Variants in TECPR2 observed in about 807,000 individuals in gnomAD.
TECPR2 encodes the protein tectonin beta-propeller repeat-containing protein 2.
A neutral mutation model predicts 138.1 loss-of-function variants in TECPR2; 65 were observed. The observed-to-expected ratio is 0.47, with a 90% CI of 0.39 to 0.58. TECPR2 has a LOEUF of 0.58. Among genes scored for constraint, TECPR2 ranks in the 20% least tolerant of loss-of-function variants. TECPR2 has a pLI of 0.00. For missense variants in TECPR2, 1,553 were observed against 1,824.5 expected (o/e 0.85, Z 2.71); for synonymous variants, 746 against 749.8 (o/e 0.99, Z 0.08).
At chr14:102,384,465 T>A (rs1417871709) in intron 2 of TECPR2, among the ~76,000 whole-genome samples, 1 of 150,918 alleles carries the variant, frequency 6.6e-6, no homozygotes, top group Non-Finnish European at 1.5e-5. Flanking sequence ...GATCACGAGG[T>A]CAGGAGTTTG....
Position 102,498,527 on chromosome 14 carries a change from C to T in TECPR2, c.*270C>T, listed in dbSNP as rs1174521230. On this transcript the variant is annotated 3_prime_UTR_variant, in exon 20 of 20. Transcript: ENST00000359520. ...CGGCTGCATGCACTCCGATTACCCA[C>T]GTGCTGCCGTCCTGGTCTCATCCAC... 7.6e-6 allele frequency: 4 copies of T among 528,568 alleles called. No individual in the cohort carries two copies. Among genetic ancestry groups the T allele is most frequent in the East Asian group, 3.4e-5 (1 of 29,790 alleles). 32.7% of individuals were successfully genotyped at this position (528,568 alleles called of 1,614,324 possible).
At position 102,498,317 on chromosome 14, in the gene TECPR2, A is replaced by C. The variant is rs2403058; in HGVS notation, c.*60A>C. On this transcript the variant is annotated 3_prime_UTR_variant, in exon 20 of 20. Coordinates refer to ENST00000359520, the MANE Select transcript of TECPR2 (RefSeq NM_014844.5). ...CGTCTGTGGCGGGCACAGGGGCTTCAGAGTGACTCCCTGGTGGACGCGCTG... is the reference window on the plus strand; with the variant it reads ...CGTCTGTGGCGGGCACAGGGGCTTCCGAGTGACTCCCTGGTGGACGCGCTG... The C allele has an allele frequency of 6.5e-6, 10 of 1,535,986 alleles. No homozygotes were observed. The highest frequency in any genetic ancestry group is 7.8e-6 in the Non-Finnish European group (9 of 1,147,960).
intron 17 of TECPR2, among the ~76,000 whole-genome samples, chr14:102,469,815 G>A (rs886748773): frequency 1.3e-5 from 2 of 152,026 alleles, no homozygotes; most frequent in Non-Finnish European, 2.9e-5. Context: ...AGGGTGTTGG[G>A]TTTTGTCAAA....
At chr14:102,460,732 T>G (rs2139766170) in intron 16 of TECPR2, among the ~76,000 whole-genome samples, 1 of 149,702 alleles carries the variant, frequency 6.7e-6, no homozygotes, top group African/African-American at 2.5e-5. Flanking sequence ...TCTCGCTCTG[T>G]CGCCCAGGCT....
chr14:102,421,489 A>G (rs1452235899), intron 5 of TECPR2, among the ~76,000 whole-genome samples: 1 of 152,198 alleles, frequency 6.6e-6, no homozygotes, highest in Non-Finnish European at 1.5e-5. Flanking sequence ...CTGGTGTGCG[A>G]AGAAACCCCG....
intron 16 of TECPR2, among the ~76,000 whole-genome samples, chr14:102,461,712 G>T (rs963974389): frequency 3.3e-5 from 5 of 152,190 alleles, no homozygotes; most frequent in African/African-American, 1.2e-4. Flanking sequence ...CCAGGTGGTG[G>T]CTTCCTGATC....
intron 8 of TECPR2, 64 bp downstream of exon 8, chr14:102,432,192 C>A: frequency 7.2e-7 from 1 of 1,390,610 alleles, no homozygotes; most frequent in Non-Finnish European, 9.5e-7. Flanking sequence ...TCTGGGAGTG[C>A]TGCTGCTCAC....
At chr14:102,458,618 A>T (rs1890330401) in intron 16 of TECPR2, among the ~76,000 whole-genome samples, 1 of 152,122 alleles carries the variant, frequency 6.6e-6, no homozygotes, top group African/African-American at 2.4e-5. Context: ...CATGTTGGCC[A>T]GGCTGGTCTT....
At chr14:102,406,452 A>G (rs1340406651) in intron 2 of TECPR2, among the ~76,000 whole-genome samples, 2 of 152,176 alleles carry the variant, frequency 1.3e-5, no homozygotes, top group Non-Finnish European at 2.9e-5. Flanking sequence ...AGGCTGAGGC[A>G]GGAGAATCGC....
At position 102,419,431 on chromosome 14, in the gene TECPR2, G is replaced by A. The variant is rs1195325378; in HGVS notation, c.638+4638G>A. 1.3e-5 allele frequency among the ~76,000 whole-genome samples: 2 copies of A among 152,124 alleles called. No individual in the cohort carries two copies. The highest frequency in any genetic ancestry group is 2.9e-5 in the Non-Finnish European group (2 of 68,028). On this transcript the variant is annotated intron_variant, in intron 5 of 19. Coordinates refer to ENST00000359520, the MANE Select transcript of TECPR2 (RefSeq NM_014844.5). The surrounding 1 kb of genome is among the most constrained non-coding windows in gnomAD (Gnocchi z 4.8). ...GGCCTGGTGGGAGTTTTGGGAGAGGGGCCGTGTGGCAGCACATTGGTGTGT... is the reference window on the plus strand; with the variant it reads ...GGCCTGGTGGGAGTTTTGGGAGAGGAGCCGTGTGGCAGCACATTGGTGTGT...
intron 2 of TECPR2, among the ~76,000 whole-genome samples, chr14:102,398,156 T>G (rs1306536193): frequency 1.4e-5 from 2 of 146,660 alleles, no homozygotes; most frequent in Non-Finnish European, 3.0e-5. Context: ...AATAAAGAGA[T>G]AGAAACCCTA....
intron 17 of TECPR2, among the ~76,000 whole-genome samples, chr14:102,486,846 C>T (rs572831121): frequency 3.3e-5 from 5 of 152,278 alleles, no homozygotes; most frequent in South Asian, 2.1e-4. Flanking sequence ...ACATGGGTAT[C>T]GGGTTTTTAA....
At chr14:102,402,613 T>C (rs1345536737) in intron 2 of TECPR2, among the ~76,000 whole-genome samples, 1 of 152,102 alleles carries the variant, frequency 6.6e-6, no homozygotes, top group Non-Finnish European at 1.5e-5. Flanking sequence ...AAGTTGAATT[T>C]TTGTAAAGGT....
At chr14:102,364,253 G>A (rs1209112890) in intron 1 of TECPR2, among the ~76,000 whole-genome samples, 1 of 152,186 alleles carries the variant, frequency 6.6e-6, no homozygotes. Context: ...AGCGATTCCT[G>A]GTCTTTTAGG....
At chr14:102,441,932 G>A (rs1273245379) in intron 11 of TECPR2, among the ~76,000 whole-genome samples, 1 of 152,208 alleles carries the variant, frequency 6.6e-6, no homozygotes, top group African/African-American at 2.4e-5. Context: ...TTGGATTTAT[G>A]TAAAGATCAG....
intron 2 of TECPR2, 124 bp from the exon 3 acceptor site, chr14:102,407,214 C>A: frequency 7.8e-7 from 1 of 1,276,324 alleles, no homozygotes; most frequent in Non-Finnish European, 1.0e-6. Context: ...TATACCTTTT[C>A]AATCAAGAAT....
At chr14:102,462,269 A>C (rs934577354) in intron 16 of TECPR2, among the ~76,000 whole-genome samples, 2 of 152,156 alleles carry the variant, frequency 1.3e-5, no homozygotes, top group Non-Finnish European at 2.9e-5. Context: ...TTTCTCAGCT[A>C]TTTCTAGAGT....
chr14:102,498,505 C>G lies in TECPR2; in HGVS notation c.*248C>G. The G allele has an allele frequency of 1.8e-6, 1 of 568,954 alleles. No individual in the cohort carries two copies. Among genetic ancestry groups the G allele is most frequent in the East Asian group, 3.0e-5 (1 of 33,250 alleles). The allele number at this position is 568,954 out of a possible 1,614,324, so 35.2% of individuals were successfully genotyped here. On this transcript the variant is annotated 3_prime_UTR_variant, in exon 20 of 20. Transcript: ENST00000359520. ...GCTCAGGACAGTGGCGACTGCCCGG[C>G]TGCATGCACTCCGATTACCCACGTG...
intron 6 of TECPR2, among the ~76,000 whole-genome samples, chr14:102,427,164 G>C (rs1889345631): frequency 6.6e-6 from 1 of 152,130 alleles, no homozygotes; most frequent in Non-Finnish European, 1.5e-5. Flanking sequence ...ATTTTATAAG[G>C]GATATTCTGA....
Sources: allele counts gnomAD v4.1 joint callset (sites outside exome capture counted in the v4.1 genomes callset), GRCh38; gene constraint gnomAD v4.1.1; non-coding constraint Gnocchi (gnomAD v3.1); transcripts MANE v1.5; gene names NCBI Gene and HGNC (gene_info 2026-07-23, HGNC 2026-07-21).